Variants in PIP4K2A observed in about 807,000 individuals in gnomAD.
PIP4K2A encodes phosphatidylinositol 5-phosphate 4-kinase type-2 alpha.
A neutral mutation model predicts 42.9 loss-of-function variants in PIP4K2A; 14 were observed. The observed-to-expected ratio is 0.33, with a 90% confidence interval of 0.22 to 0.51. The LOEUF (loss-of-function observed/expected upper bound fraction) is 0.51. Ranked by LOEUF, PIP4K2A falls within the 20% of genes least tolerant of loss-of-function variation. The pLI is 0.97. For synonymous variants in PIP4K2A, 192 were observed against 192.2 expected (o/e 1.00, Z 0.01); for missense variants, 434 against 519.8 (o/e 0.83, Z 1.61).
intron 8 of PIP4K2A, 28 bp from the exon 9 acceptor site, chr10:22,540,102 G>A (rs1257912480): frequency 1.7e-6 from 2 of 1,208,098 alleles, no homozygotes; most frequent in Admixed American, 1.7e-5. Context: ...CAATGACTGT[G>A]GGACATGTGA....
rs1215958713 is a variant in PIP4K2A, at chr10:22,541,866, G to T, written c.974C>A (p.Pro325Gln). Reference protein sequence around the residue: ...DSPGNTLNSSPPLAPGEFDPN... With the variant: ...DSPGNTLNSSQPLAPGEFDPN... ...ATCGAACTCCCCGGGAGCCAGGGGT[G>T]GTGAGCTGTTCAGTGTATTCCCGGG... The change falls in exon 8 of 10, where the codon CCA becomes CAA. Residue 325 changes from proline to glutamine, a missense_variant. Pro to Gln is a moderately conservative substitution (Grantham distance 76). Coordinates refer to ENST00000376573, the MANE Select transcript of PIP4K2A (RefSeq NM_005028.5). 11 of 1,607,562 alleles carry T rather than the reference G, an allele frequency of 6.8e-6. No individual in the cohort carries two copies. Among genetic ancestry groups the T allele is most frequent in the Admixed American group, 5.1e-5 (3 of 58,668 alleles).
intron 1 of PIP4K2A, among the ~76,000 whole-genome samples, chr10:22,704,623 GC>G (rs372976160): frequency 2.2e-3 from 285 of 131,244 alleles, no homozygotes; most frequent in African/African-American, 7.6e-3. Context: ...ATGCACTCCA[GC>G]CCAGGCCAAA....
intron 1 of PIP4K2A, among the ~76,000 whole-genome samples, 200 bp from the exon 2 acceptor site, chr10:22,609,917 GGGTCCATGGTGGCC>G (rs1837992363): frequency 6.6e-6 from 1 of 151,646 alleles, no homozygotes; most frequent in Admixed American, 6.6e-5. Context: ...GTCTGATGCT[GGGTCCATGGTGGCC>G]ACCGGACGGC....
Position 22,541,850 on chromosome 10 carries a change from C to G in PIP4K2A, c.990G>C (p.Gly330=). 1 of 1,598,540 alleles carries G rather than the reference C, an allele frequency of 6.3e-7. No individual in the cohort carries two copies. The change falls in exon 8 of 10, where the codon GGG becomes GGC. Residue 330 remains glycine, a synonymous_variant. Coordinates refer to ENST00000376573, the MANE Select transcript of PIP4K2A (RefSeq NM_005028.5). ...AGACGTCGATGTTCGGATCGAACTC[C>G]CCGGGAGCCAGGGGTGGTGAGCTGT... ...TLNSSPPLAP[G]EFDPNIDVYG... is the part of the protein sequence containing the mutation.
chr10:22,544,589 T>C (rs1484323156), intron 7 of PIP4K2A, among the ~76,000 whole-genome samples: 1 of 152,190 alleles, frequency 6.6e-6, no homozygotes, highest in Non-Finnish European at 1.5e-5. Flanking sequence ...CTGCTCCCTC[T>C]GGGTGCTTGG....
chr10:22,595,594 T>C (rs1311022146), intron 3 of PIP4K2A, among the ~76,000 whole-genome samples: 3 of 151,994 alleles, frequency 2.0e-5, no homozygotes, highest in Non-Finnish European at 4.4e-5. Context: ...CGGTCTCCAC[T>C]AAAAATACAA....
intron 1 of PIP4K2A, among the ~76,000 whole-genome samples, chr10:22,674,373 T>TGTG (rs149139334): frequency 7.1e-6 from 1 of 140,246 alleles, no homozygotes; most frequent in Non-Finnish European, 1.5e-5. Context: ...AGAACCATGC[T>TGTG]GTGGTGATCA....
At position 22,699,512 on chromosome 10, in the gene PIP4K2A, G is replaced by T. The variant is rs530379887; in HGVS notation, c.144+14671C>A. 2.6e-5 allele frequency among the ~76,000 whole-genome samples: 4 copies of T among 151,830 alleles called. No individual in the cohort carries two copies. In the East Asian group the frequency reaches 7.7e-4, roughly 29 times the overall value. On this transcript the variant is annotated intron_variant, in intron 1 of 9. Transcript: ENST00000376573. Reference sequence around the variant, plus strand: ...ACCTGGGAATGTGCGAAACTTGGGAGGGGCACATGGTCAGGCCAGAAGAGG... The same window carrying T: ...ACCTGGGAATGTGCGAAACTTGGGATGGGCACATGGTCAGGCCAGAAGAGG...
intron 7 of PIP4K2A, 48 bp from the exon 8 acceptor site, chr10:22,542,095 A>C: frequency 6.5e-7 from 1 of 1,528,960 alleles, no homozygotes; most frequent in African/African-American, 1.4e-5. Context: ...TAAACATAAA[A>C]GCCAACATTT....
chr10:22,562,747 G>A (rs895491266), intron 6 of PIP4K2A, among the ~76,000 whole-genome samples: 1 of 152,124 alleles, frequency 6.6e-6, no homozygotes, highest in African/African-American at 2.4e-5. Flanking sequence ...CCTCCTGGGT[G>A]ACCTCACCCA....
rs535269995 is a variant in PIP4K2A, at chr10:22,640,981, C to A, written c.145-31264G>T. Among the ~76,000 whole-genome samples, 4 of 152,026 alleles carry A rather than the reference C, an allele frequency of 2.6e-5. No individual in the cohort carries two copies. The South Asian group carries it at 8.3e-4, about 32-fold the overall frequency. ...AGAAATATAAAATTTTATTCATATT[C>A]CATTTTGAAAAAAAAATTTAATGCC... On this transcript the variant is annotated intron_variant, in intron 1 of 9. Coordinates refer to ENST00000376573, the MANE Select transcript of PIP4K2A (RefSeq NM_005028.5).
intron 1 of PIP4K2A, among the ~76,000 whole-genome samples, chr10:22,618,484 C>T (rs1588666948): frequency 6.6e-6 from 1 of 152,180 alleles, no homozygotes; most frequent in Non-Finnish European, 1.5e-5. Flanking sequence ...TTGTCCCTGT[C>T]CCGCAAACAG....
In PIP4K2A at chr10:22,608,973, ATAAAT is replaced by A. The variant is rs368856139; in HGVS notation, c.242+642_242+646del. Among the ~76,000 whole-genome samples the A allele has an allele frequency of 5.9e-5, 9 of 152,356 alleles. No homozygotes were observed. In the East Asian group the frequency reaches 1.5e-3, roughly 26 times the overall value. ...CCTCTTTGTGTTCCCACACAACCAG[ATAAAT>A]TAAATTATACATATGCACACACCCC... is the stretch of plus-strand genomic sequence containing the variant. On this transcript the variant is annotated intron_variant, in intron 2 of 9. Transcript: ENST00000376573.
chr10:22,643,262 T>G (rs1209995491), intron 1 of PIP4K2A, among the ~76,000 whole-genome samples: 1 of 152,212 alleles, frequency 6.6e-6, no homozygotes, highest in African/African-American at 2.4e-5. Context: ...ATCTGGCCGC[T>G]GGCTGCTTTT....
intron 7 of PIP4K2A, among the ~76,000 whole-genome samples, chr10:22,547,843 G>A (rs946838873): frequency 1.3e-5 from 2 of 152,156 alleles, no homozygotes; most frequent in African/African-American, 2.4e-5. Flanking sequence ...CCTGTGTTAC[G>A]TGCAAAGCTA....
At chr10:22,708,875 T>G (rs1249432491) in intron 1 of PIP4K2A, among the ~76,000 whole-genome samples, 1 of 152,202 alleles carries the variant, frequency 6.6e-6, no homozygotes, top group Non-Finnish European at 1.5e-5. Context: ...CTGGACCTCC[T>G]GGACTCAGAT....
chr10:22,572,104 G>A (rs867352524), intron 5 of PIP4K2A, among the ~76,000 whole-genome samples: 8 of 152,168 alleles, frequency 5.3e-5, no homozygotes, highest in South Asian at 2.1e-4. Context: ...CCTCTTGTAA[G>A]AGCGTGAAAG....
rs772066665 is a variant in PIP4K2A at position 22,541,983 on chromosome 10, GCT to G, written c.855_856del (p.Arg285SerfsTer9). The G allele has an allele frequency of 1.9e-6, 3 of 1,613,830 alleles. No individual in the cohort carries two copies. The highest frequency in any genetic ancestry group is 1.7e-5 in the Admixed American group (1 of 59,988). On this transcript the variant is annotated frameshift_variant, in exon 8 of 10. Transcript: ENST00000376573. LOFTEE classifies it high-confidence loss of function. ...CTCACACTCCACTTCCTCCTGTTCG[GCT>G]CTCTCCACATCATGAATTCCCACCA...
intron 6 of PIP4K2A, among the ~76,000 whole-genome samples, chr10:22,558,510 C>T (rs7094131): frequency 0.52 from 79,485 of 152,012 alleles, 22,499 homozygotes; most frequent in South Asian, 0.77. Context: ...TTTGATACAT[C>T]AAAAGGCAAA....
Sources: allele counts gnomAD v4.1 joint callset (sites outside exome capture counted in the v4.1 genomes callset), GRCh38; gene constraint gnomAD v4.1.1; transcripts MANE v1.5; gene names NCBI Gene and HGNC (gene_info 2026-07-23, HGNC 2026-07-21).